The following NLGN1 variants were observed in gnomAD, a reference collection of about 807,000 sequenced individuals.
The protein encoded by NLGN1 is neuroligin-1.
NLGN1 carries 12 observed loss-of-function variants against 65.5 expected under a neutral mutation model. The observed-to-expected ratio is 0.18, with a 90% CI of 0.12 to 0.30. The LOEUF is 0.30. Among genes scored for constraint, NLGN1 ranks in the 10% least tolerant of loss-of-function variants. The pLI, the probability that NLGN1 is intolerant of heterozygous loss-of-function variation, is 1.00. For synonymous variants in NLGN1, 350 were observed against 359.5 expected (o/e 0.97, Z 0.30); for missense variants, 750 against 1,007.1 (o/e 0.74, Z 3.46).
chr3:174,154,808 AAG>A (rs1725017857), intron 4 of NLGN1, among the ~76,000 whole-genome samples: 3 of 146,796 alleles, frequency 2.0e-5, no homozygotes, highest in African/African-American at 7.6e-5. Flanking sequence ...GTTGTAGATA[AAG>A]ATATTGTAGA....
intron 1 of NLGN1, among the ~76,000 whole-genome samples, chr3:173,406,963 T>G (rs1362504558): frequency 1.3e-5 from 2 of 152,132 alleles, no homozygotes; most frequent in African/African-American, 4.8e-5. Flanking sequence ...CATAATACAA[T>G]TAAGATATCA....
intron 4 of NLGN1, among the ~76,000 whole-genome samples, chr3:173,918,639 A>G (rs1741244438): frequency 6.9e-6 from 1 of 144,924 alleles, no homozygotes; most frequent in Admixed American, 7.1e-5. Context: ...TCAAAAAAAA[A>G]AAAAAAAAAA....
chr3:173,953,746 G>A (rs987602899), intron 4 of NLGN1, among the ~76,000 whole-genome samples: 1 of 151,984 alleles, frequency 6.6e-6, no homozygotes, highest in African/African-American at 2.4e-5. Flanking sequence ...GACTCAATAT[G>A]TTGTCCAGGC....
At chr3:174,098,758 G>C (rs1399299410) in intron 4 of NLGN1, among the ~76,000 whole-genome samples, 3 of 152,106 alleles carry the variant, frequency 2.0e-5, no homozygotes, top group Non-Finnish European at 2.9e-5. Context: ...ATCACACCTT[G>C]AGTAACAAGA....
chr3:173,893,294 G>T (rs1735694254), intron 4 of NLGN1, among the ~76,000 whole-genome samples: 1 of 152,170 alleles, frequency 6.6e-6, no homozygotes, highest in African/African-American at 2.4e-5. Context: ...AGCTTTTGAA[G>T]TATGTGTATT....
intron 2 of NLGN1, among the ~76,000 whole-genome samples, chr3:173,450,534 T>C (rs1431852501): frequency 6.6e-6 from 1 of 152,164 alleles, no homozygotes; most frequent in Non-Finnish European, 1.5e-5. Context: ...CTGACAATTA[T>C]GTGTCTTGGA....
At chr3:174,159,190 A>T (rs1010554860) in intron 4 of NLGN1, among the ~76,000 whole-genome samples, 10 of 151,588 alleles carry the variant, frequency 6.6e-5, no homozygotes, top group Non-Finnish European at 3.0e-5. Context: ...AAGACTACTT[A>T]CTCTGAATTC....
At position 174,192,906 on chromosome 3, in the gene NLGN1, T is replaced by G. The variant is rs541692906; in HGVS notation, c.647-82409T>G. On this transcript the variant is annotated intron_variant, in intron 4 of 6. Coordinates refer to ENST00000457714, the Ensembl canonical transcript of NLGN1. Reference sequence around the variant, plus strand: ...TTCCATATATCTGGGCCTTTGCTATTACTAAACTCCTGTGTGTTTTGTTTT... The same window carrying G: ...TTCCATATATCTGGGCCTTTGCTATGACTAAACTCCTGTGTGTTTTGTTTT... 2.6e-5 allele frequency among the ~76,000 whole-genome samples: 4 copies of G among 152,258 alleles called. No individual in the cohort carries two copies. In the East Asian group the frequency reaches 7.7e-4, roughly 29 times the overall value.
chr3:173,817,398 T>C (rs1172784034), intron 4 of NLGN1, among the ~76,000 whole-genome samples: 1 of 152,216 alleles, frequency 6.6e-6, no homozygotes, highest in African/African-American at 2.4e-5. Context: ...GACATTCTGC[T>C]GTGGATACAA....
Position 174,274,850 on chromosome 3 carries a change from G to A in NLGN1, c.647-465G>A, listed in dbSNP as rs940635576. Among the ~76,000 whole-genome samples the A allele has an allele frequency of 4.6e-5, 7 of 151,478 alleles. No homozygotes were observed. In the South Asian group the frequency reaches 1.0e-3, roughly 23 times the overall value. ...CTCTACAAGTCTTACAGAAATACCC[G>A]CCTGCTCTACACATGTCCATCCTGC... On this transcript the variant is annotated intron_variant, in intron 4 of 6. Transcript: ENST00000457714.
chr3:173,708,811 T>C (rs1768468238), intron 3 of NLGN1, among the ~76,000 whole-genome samples: 1 of 152,184 alleles, frequency 6.6e-6, no homozygotes, highest in South Asian at 2.1e-4. Context: ...AATTAAATAA[T>C]GGCTGAAATA....
At chr3:173,592,287 TAAA>T (rs1279588257) in intron 2 of NLGN1, among the ~76,000 whole-genome samples, 1 of 152,142 alleles carries the variant, frequency 6.6e-6, no homozygotes, top group Non-Finnish European at 1.5e-5. Flanking sequence ...AATAACAAAA[TAAA>T]GAAGAAGCTG....
chr3:173,673,026 A>G (rs1388636262), intron 3 of NLGN1, among the ~76,000 whole-genome samples: 2 of 152,214 alleles, frequency 1.3e-5, no homozygotes, highest in Non-Finnish European at 2.9e-5. Flanking sequence ...TGGCATGACA[A>G]GGAGACTGGT....
exon 6 of NLGN1, chr3:174,278,962 G>A: frequency 6.5e-7 from 1 of 1,547,170 alleles, no homozygotes; most frequent in Non-Finnish European, 8.7e-7. Flanking sequence ...CACAAAAGTT[G>A]GTTGCAATGT....
chr3:173,642,430 G>A (rs1382023759), intron 3 of NLGN1, among the ~76,000 whole-genome samples: 3 of 152,152 alleles, frequency 2.0e-5, no homozygotes, highest in African/African-American at 7.2e-5. Flanking sequence ...TGAGTATTAA[G>A]CACCATGATT....
intron 2 of NLGN1, among the ~76,000 whole-genome samples, chr3:173,574,703 A>C (rs911118379): frequency 1.3e-5 from 2 of 152,204 alleles, no homozygotes; most frequent in African/African-American, 4.8e-5. Context: ...AACATGAGAG[A>C]ACATATATTG....
chr3:173,595,421 C>A (rs1312267524), intron 2 of NLGN1, among the ~76,000 whole-genome samples: 1 of 152,180 alleles, frequency 6.6e-6, no homozygotes, highest in Non-Finnish European at 1.5e-5. Flanking sequence ...TTCTCATCTT[C>A]ATCTGAGACC....
At chr3:173,818,322 G>A (rs570628149) in intron 4 of NLGN1, among the ~76,000 whole-genome samples, 17 of 152,186 alleles carry the variant, frequency 1.1e-4, no homozygotes, top group Admixed American at 3.9e-4. Flanking sequence ...CCAAAAGAAC[G>A]ATGTGCTACA....
intron 3 of NLGN1, among the ~76,000 whole-genome samples, chr3:173,668,953 A>G (rs147300032): frequency 1.3e-5 from 2 of 152,172 alleles, no homozygotes; most frequent in African/African-American, 4.8e-5. Flanking sequence ...TGGGAATACT[A>G]ATACTTTGTT....
Sources: gnomAD v4.1 joint callset for allele counts (sites outside exome capture counted in the v4.1 genomes callset) on GRCh38, gnomAD v4.1.1 for gene constraint, MANE v1.5 for transcripts, NCBI Gene and HGNC (gene_info 2026-07-23, HGNC 2026-07-21) for gene names.